The following GTF2H2 variants were observed in gnomAD, a reference collection of about 807,000 sequenced individuals.
GTF2H2 encodes the protein general transcription factor IIH subunit 2, also known as TFIIH basal transcription factor complex p44 subunit.
In GTF2H2, 2 loss-of-function variants were observed where a neutral mutation model predicts 16.5. That is an observed-to-expected ratio of 0.12 (90% CI 0.05 to 0.38). The LOEUF (loss-of-function observed/expected upper bound fraction) is 0.38, where lower values mean the gene tolerates loss of function less well. Among genes scored for constraint, GTF2H2 ranks in the 10% least tolerant of loss-of-function variants. GTF2H2 has a pLI of 0.99. For missense variants in GTF2H2, 20 were observed against 137.0 expected, an observed-to-expected ratio of 0.15 and a Z score of 4.26; for synonymous variants, 8 against 44.1, an observed-to-expected ratio of 0.18 and a Z score of 3.24.
At chr5:71,054,457 G>A (rs1231497362) in intron 8 of GTF2H2, among the ~76,000 whole-genome samples, 1 of 145,528 alleles carries the variant, frequency 6.9e-6, no homozygotes, top group Non-Finnish European at 1.5e-5. Flanking sequence ...GCTTTAGGGA[G>A]GCTGAGGTGG....
At chr5:71,036,045 C>G (rs1439211833) in intron 15 of GTF2H2, among the ~76,000 whole-genome samples, 1 of 60,804 alleles carries the variant, frequency 1.6e-5, no homozygotes, top group Non-Finnish European at 3.0e-5. Flanking sequence ...TTACAGTTCG[C>G]TCTCAATCAT....
intron 7 of GTF2H2, among the ~76,000 whole-genome samples, chr5:71,056,538 TA>T (rs1176995334): frequency 9.9e-5 from 5 of 50,640 alleles, no homozygotes; most frequent in African/African-American, 3.4e-4. Flanking sequence ...TTTAATATAA[TA>T]TTTTTTTATA....
At position 71,052,220 on chromosome 5, in the gene GTF2H2, T is replaced by A. The variant is rs1752787675; in HGVS notation, c.471-3062A>T. Among the ~76,000 whole-genome samples, 4 of 140,186 alleles carry A rather than the reference T, an allele frequency of 2.9e-5. 1 individual carries two copies. In the Admixed American group the frequency reaches 2.9e-4, roughly 10 times the overall value. 92.0% of individuals were successfully genotyped at this position (140,186 alleles called of 152,430 possible). ...TCTCACAGTGTTGTCTGGGCTAAAGTGCAATGGCGCGATCTCGGCTCACTG... is the reference window on the plus strand; with the variant it reads ...TCTCACAGTGTTGTCTGGGCTAAAGAGCAATGGCGCGATCTCGGCTCACTG... On this transcript the variant is annotated intron_variant, in intron 8 of 15. Transcript: ENST00000274400.
intron 3 of GTF2H2, 177 bp downstream of exon 3, chr5:71,061,511 A>G: frequency 2.6e-6 from 1 of 378,882 alleles, no homozygotes; most frequent in East Asian, 4.9e-5. Context: ...GACAGTCTCT[A>G]AAGACCATTT....
At chr5:71,053,895 A>ATAC (rs1279053325) in intron 8 of GTF2H2, among the ~76,000 whole-genome samples, 6 of 125,424 alleles carry the variant, frequency 4.8e-5, no homozygotes, top group Non-Finnish European at 1.0e-4. Context: ...TGGGCAGCAT[A>ATAC]TACTGTGAGG....
At chr5:71,039,624 C>T (rs1447058291) in intron 14 of GTF2H2, among the ~76,000 whole-genome samples, 4 of 148,320 alleles carry the variant, frequency 2.7e-5, no homozygotes, top group Non-Finnish European at 1.5e-5. Flanking sequence ...ATATTCTTAT[C>T]TTTACTCTCC....
chr5:71,058,184 G>A (rs1227742550), intron 7 of GTF2H2: 1 of 134,726 alleles, frequency 7.4e-6, no homozygotes, highest in Non-Finnish European at 1.6e-5. Flanking sequence ...GGGCGACAGA[G>A]TGAGAGACTC....
chr5:71,036,104 T>C (rs1751730364), intron 15 of GTF2H2, among the ~76,000 whole-genome samples: 1 of 63,920 alleles, frequency 1.6e-5, no homozygotes, highest in African/African-American at 6.8e-5. Context: ...CCAGCGCTAC[T>C]TTTGAATGCT....
At chr5:71,052,915 A>ATTTTTTT (rs1241503525) in intron 8 of GTF2H2, among the ~76,000 whole-genome samples, 43 of 44,050 alleles carry the variant, frequency 9.8e-4, no homozygotes, top group Non-Finnish European at 1.2e-3. Flanking sequence ...TGCCTGGCTA[A>ATTTTTTT]TTTTTTTTTT....
Position 71,038,244 on chromosome 5 carries a change from C to G in GTF2H2, c.1029-698G>C, listed in dbSNP as rs1751861254. Reference sequence around the variant, plus strand: ...CCTCCTGAGTAGCTGGGACTACAGGCATGTATCTCCATGCCTGGCTAATTT... The same window carrying G: ...CCTCCTGAGTAGCTGGGACTACAGGGATGTATCTCCATGCCTGGCTAATTT... On this transcript the variant is annotated intron_variant, in intron 14 of 15. Coordinates refer to ENST00000274400, the Ensembl canonical transcript of GTF2H2. Among the ~76,000 whole-genome samples, 2 of 75,926 alleles carry G rather than the reference C, an allele frequency of 2.6e-5. 1 individual carries two copies. The highest frequency in any genetic ancestry group is 5.3e-5 in the Non-Finnish European group (2 of 37,600). 49.8% of individuals were successfully genotyped at this position (75,926 alleles called of 152,430 possible).
rs1466390001 is a variant in GTF2H2, at chr5:71,055,037, C to G, written c.470+315G>C. Reference sequence around the variant, plus strand: ...AAATTAATAAATGTTAATAAAGGTACAACCAACTTACAATTATTATACTAT... The same window carrying G: ...AAATTAATAAATGTTAATAAAGGTAGAACCAACTTACAATTATTATACTAT... On this transcript the variant is annotated intron_variant, in intron 8 of 15. Coordinates refer to ENST00000274400, the Ensembl canonical transcript of GTF2H2. The G allele has an allele frequency of 5.0e-5, 9 of 179,322 alleles. No individual in the cohort carries two copies. In the East Asian group the frequency reaches 1.3e-3, roughly 27 times the overall value. The allele number at this position is 179,322 out of a possible 1,614,324, so 11.1% of individuals were successfully genotyped here. A position where few individuals can be genotyped will look rare whatever the true frequency, so the allele number is the denominator to read the frequency against.
chr5:71,054,739 GTGTGTGTGTGTGTA>G lies in GTF2H2; in HGVS notation c.470+599_470+612del, dbSNP rs1420097877. ...TGTGTGTGTGTGTGTGTGTGTGTGT[GTGTGTGTGTGTGTA>G]TATATATAATAGATATATAAGCTTT... On this transcript the variant is annotated intron_variant, in intron 8 of 15. Coordinates refer to ENST00000274400, the Ensembl canonical transcript of GTF2H2. Among the ~76,000 whole-genome samples the G allele has an allele frequency of 6.1e-3, 825 of 136,020 alleles. 55 individuals are homozygous for G. The highest frequency in any genetic ancestry group is 0.015 in the Middle Eastern group (4 of 272). 89.2% of individuals were successfully genotyped at this position (136,020 alleles called of 152,430 possible).
chr5:71,035,762 CAG>C lies in GTF2H2; in HGVS notation c.1101_1102del (p.Phe367LeufsTer5). On this transcript the variant is annotated frameshift_variant, in exon 16 of 16. Coordinates refer to ENST00000274400, the Ensembl canonical transcript of GTF2H2. LOFTEE classifies it high-confidence loss of function. The stretch of plus-strand genomic sequence containing the variant: ...ATGAACAAAAACATCACAGTCCACA[CAG>C]AAAACATTTTGGCACACAGCACAAA... The C allele has an allele frequency of 1.8e-5, 1 of 56,480 alleles. No individual in the cohort carries two copies. The highest frequency in any genetic ancestry group is 2.7e-5 in the Non-Finnish European group (1 of 37,730). 3.5% of individuals were successfully genotyped at this position (56,480 alleles called of 1,614,324 possible).
chr5:71,045,621 T>TGATAATG, intron 11 of GTF2H2, 114 bp from the exon 12 acceptor site: 2 of 556,528 alleles, frequency 3.6e-6, no homozygotes, highest in Non-Finnish European at 3.1e-6. Flanking sequence ...AAAATATCAC[T>TGATAATG]TTACTGCCTT....
rs1230265089 is a variant in GTF2H2 at position 71,056,252 on chromosome 5, TAATAC to T, written c.365-800_365-796del. ...AATAAAATGTTTTTAGAAATGTTGT[TAATAC>T]AAAAGGCTATATTTTTATGTAGAAA... On this transcript the variant is annotated intron_variant, in intron 7 of 15. Coordinates refer to ENST00000274400, the Ensembl canonical transcript of GTF2H2. Among the ~76,000 whole-genome samples, 2 of 123,326 alleles carry T rather than the reference TAATAC, an allele frequency of 1.6e-5. 1 individual carries two copies. The highest frequency in any genetic ancestry group is 3.4e-5 in the Non-Finnish European group (2 of 58,098). The allele number at this position is 123,326 out of a possible 152,430, so 80.9% of individuals were successfully genotyped here. A position where few individuals can be genotyped will look rare whatever the true frequency, so the allele number is the denominator to read the frequency against.
chr5:71,058,132 C>A (rs1266254098), intron 7 of GTF2H2: 1 of 141,104 alleles, frequency 7.1e-6, no homozygotes, highest in Non-Finnish European at 1.6e-5. Flanking sequence ...ATCACTTGAA[C>A]CCGGGAGGCG....
chr5:71,055,378 G>A, exon 8 of GTF2H2: 3 of 1,577,698 alleles, frequency 1.9e-6, no homozygotes, highest in Non-Finnish European at 1.7e-6. Context: ...CTATGCTTAG[G>A]GAATTATAAA....
At chr5:71,040,902 AC>A (rs1752059542) in intron 14 of GTF2H2, among the ~76,000 whole-genome samples, 1 of 15,114 alleles carries the variant, frequency 6.6e-5, no homozygotes, top group Non-Finnish European at 1.1e-4. Flanking sequence ...CTGGTGTTGA[AC>A]TCCTGACCTC....
intron 11 of GTF2H2, among the ~76,000 whole-genome samples, chr5:71,047,233 CA>C (rs1752445322): frequency 7.5e-6 from 1 of 132,620 alleles, no homozygotes; most frequent in East Asian, 2.6e-4. Context: ...TCTCCTGTCT[CA>C]ACCTCCTGAG....
Sources: gnomAD v4.1 joint callset for allele counts (sites outside exome capture counted in the v4.1 genomes callset) on GRCh38, gnomAD v4.1.1 for gene constraint, MANE v1.5 for transcripts, NCBI Gene and HGNC (gene_info 2026-07-23, HGNC 2026-07-21) for gene names.